CSMD3: variants seen among roughly 807,000 people sequenced by gnomAD.
CSMD3 encodes the protein CUB and sushi domain-containing protein 3.
CSMD3 carries 177 observed loss-of-function variants against 435.2 expected under a neutral mutation model. The observed-to-expected ratio is 0.41, with a 90% CI of 0.36 to 0.46. The LOEUF (loss-of-function observed/expected upper bound fraction) is 0.46, where lower values mean the gene tolerates loss of function less well. Among genes scored for constraint, CSMD3 ranks in the 20% least tolerant of loss-of-function variants. CSMD3 has a pLI of 0.34. For synonymous variants in CSMD3, 1,656 were observed against 1,520.5 expected (o/e 1.09, Z -2.07); for missense variants, 4,265 against 4,504.6 (o/e 0.95, Z 1.52).
In CSMD3 at chr8:112,318,756, A is replaced by G; in HGVS notation, c.7360+81T>C. 4 of 860,776 alleles carry G rather than the reference A, an allele frequency of 4.6e-6. 1 individual carries two copies. Among genetic ancestry groups the G allele is most frequent in the Non-Finnish European group, 7.6e-6 (4 of 527,982 alleles). The allele number at this position is 860,776 out of a possible 1,614,324, so 53.3% of individuals were successfully genotyped here. ...AGTTAAACATTTCATATTTATATAG[A>G]TTTTTCTCAATCATACCTATATTAA... is the stretch of plus-strand genomic sequence containing the variant. On this transcript the variant is annotated intron_variant, in intron 47 of 70. Transcript: ENST00000297405.
At chr8:112,471,259 T>G (rs1188834965) in intron 32 of CSMD3, among the ~76,000 whole-genome samples, 3 of 152,154 alleles carry the variant, frequency 2.0e-5, no homozygotes, top group Admixed American at 6.6e-5. Flanking sequence ...CCATGAAGTT[T>G]TCTGGATAAT....
chr8:112,281,769 AGAC>A (rs1818671665), intron 58 of CSMD3, among the ~76,000 whole-genome samples: 1 of 152,170 alleles, frequency 6.6e-6, no homozygotes, highest in Non-Finnish European at 1.5e-5. Flanking sequence ...ATTTCAGAAA[AGAC>A]AGATACACAA....
At chr8:112,758,296 GAGCA>G (rs2132134856) in intron 13 of CSMD3, among the ~76,000 whole-genome samples, 1 of 151,078 alleles carries the variant, frequency 6.6e-6, no homozygotes, top group Non-Finnish European at 1.5e-5. Context: ...AGGCTGCAGT[GAGCA>G]GGGATCGCGC....
chr8:112,345,991 C>T, intron 41 of CSMD3, 106 bp downstream of exon 41: 2 of 787,476 alleles, frequency 2.5e-6, no homozygotes, highest in South Asian at 1.4e-5. Context: ...CTAAACTAAA[C>T]TGCAATTTGT....
At chr8:112,636,374 T>C (rs2074657273) in intron 22 of CSMD3, among the ~76,000 whole-genome samples, 1 of 152,156 alleles carries the variant, frequency 6.6e-6, no homozygotes, top group Non-Finnish European at 1.5e-5. Context: ...TGCATGTTAA[T>C]TTTAAGTTAT....
chr8:113,223,622 C>CATATATATATATATATATAT (rs3048833), intron 3 of CSMD3, among the ~76,000 whole-genome samples: 1 of 146,106 alleles, frequency 6.8e-6, no homozygotes, highest in African/African-American at 2.5e-5. Flanking sequence ...GTCAAGTATA[C>CATATATATATATATATATAT]ATATATATAT....
chr8:113,182,376 T>C (rs992303224), intron 3 of CSMD3, among the ~76,000 whole-genome samples: 10 of 151,940 alleles, frequency 6.6e-5, no homozygotes, highest in African/African-American at 2.4e-4. Context: ...CAGAATAAGT[T>C]GCTTTTAATA....
intron 27 of CSMD3, among the ~76,000 whole-genome samples, chr8:112,525,954 G>C (rs1198039210): frequency 1.4e-5 from 2 of 142,084 alleles, no homozygotes; most frequent in African/African-American, 5.1e-5. Flanking sequence ...CCTTTAACAA[G>C]TCAAGGCATA....
intron 10 of CSMD3, among the ~76,000 whole-genome samples, chr8:112,920,132 TA>T (rs2082691703): frequency 6.6e-6 from 1 of 151,926 alleles, no homozygotes; most frequent in Non-Finnish European, 1.5e-5. Flanking sequence ...CACAGTTTTA[TA>T]AAGTTTAGAA....
chr8:112,675,393 T>C (rs1335535215), intron 16 of CSMD3, among the ~76,000 whole-genome samples: 1 of 152,146 alleles, frequency 6.6e-6, no homozygotes. Flanking sequence ...GACCCATGAA[T>C]GTATTACATC....
chr8:112,912,367 C>T (rs1454350569), intron 10 of CSMD3, among the ~76,000 whole-genome samples: 2 of 151,462 alleles, frequency 1.3e-5, no homozygotes, highest in African/African-American at 2.4e-5. Context: ...TACTAATTTA[C>T]ATTCTTACTA....
intron 1 of CSMD3, among the ~76,000 whole-genome samples, chr8:113,364,049 T>C (rs567919861): frequency 5.1e-4 from 77 of 152,272 alleles, no homozygotes; most frequent in Non-Finnish European, 4.1e-4. Flanking sequence ...CTATGAAATA[T>C]GTAAGGTCTA....
chr8:112,666,533 CT>C lies in CSMD3; in HGVS notation c.2678-119del, dbSNP rs2075530393. On this transcript the variant is annotated intron_variant, in intron 16 of 70. Transcript: ENST00000297405. ...GCATATCCTTATTAAATAGTTAATA[CT>C]ATTTTTGAAAGCAATGGTACATCTA... is the stretch of plus-strand genomic sequence containing the variant. The C allele has an allele frequency of 4.7e-6, 4 of 859,130 alleles. No homozygotes were observed. The African/African-American group carries it at 6.8e-5, about 15-fold the overall frequency. The allele number at this position is 859,130 out of a possible 1,614,324, so 53.2% of individuals were successfully genotyped here. A position where few individuals can be genotyped will look rare whatever the true frequency, so the allele number is the denominator to read the frequency against.
chr8:113,405,003 G>C (rs1268555922), intron 1 of CSMD3, among the ~76,000 whole-genome samples: 1 of 151,306 alleles, frequency 6.6e-6, no homozygotes, highest in East Asian at 1.9e-4. Context: ...TTGCCAAAGA[G>C]GAACTTAATT....
At chr8:112,992,180 CTTCT>C (rs2131022546) in intron 6 of CSMD3, among the ~76,000 whole-genome samples, 1 of 151,394 alleles carries the variant, frequency 6.6e-6, no homozygotes, top group East Asian at 1.9e-4. Flanking sequence ...TCGTTCCTTC[CTTCT>C]TTTTTCTTTC....
intron 25 of CSMD3, among the ~76,000 whole-genome samples, chr8:112,555,367 A>G (rs943799723): frequency 2.0e-5 from 3 of 151,986 alleles, no homozygotes; most frequent in African/African-American, 7.2e-5. Context: ...TGGCAAGTCA[A>G]TATTTATACA....
chr8:113,002,563 T>A (rs1433334524), intron 6 of CSMD3, among the ~76,000 whole-genome samples: 1 of 152,118 alleles, frequency 6.6e-6, no homozygotes, highest in Non-Finnish European at 1.5e-5. Flanking sequence ...TGCTCAAGTA[T>A]CATGCTGAAC....
At chr8:112,866,257 G>A (rs74891961) in intron 10 of CSMD3, among the ~76,000 whole-genome samples, 1,624 of 152,090 alleles carry the variant, frequency 0.011, 31 homozygotes, top group African/African-American at 0.036. Context: ...ATTTCCACTT[G>A]AGCAAATTCA....
At chr8:112,305,249 T>C (rs1381470981) in intron 51 of CSMD3, among the ~76,000 whole-genome samples, 5 of 152,138 alleles carry the variant, frequency 3.3e-5, no homozygotes, top group Non-Finnish European at 7.4e-5. Flanking sequence ...TTGATGTGAA[T>C]GGCCTTTTTG....
Sources: allele counts gnomAD v4.1 joint callset (sites outside exome capture counted in the v4.1 genomes callset), GRCh38; gene constraint gnomAD v4.1.1; transcripts MANE v1.5; gene names NCBI Gene and HGNC (gene_info 2026-07-23, HGNC 2026-07-21).